The following AGBL5 variants were observed in gnomAD, a reference collection of about 807,000 sequenced individuals.
The protein encoded by AGBL5 is AGBL carboxypeptidase 5.
Under a neutral mutation model 88.0 loss-of-function variants are expected in AGBL5, and 51 were observed. That is an observed-to-expected ratio of 0.58 (90% CI 0.46 to 0.73). The LOEUF (loss-of-function observed/expected upper bound fraction) is 0.73, where lower values mean the gene tolerates loss of function less well. AGBL5 is among the 30% of genes least tolerant of loss of function. The pLI is 0.00. For missense variants in AGBL5, 1,031 were observed against 1,162.2 expected (o/e 0.89, Z 1.64); for synonymous variants, 446 against 438.8 (o/e 1.02, Z -0.21).
chr2:27,069,133 C>T, intron 13 of AGBL5: 1 of 1,338,820 alleles, frequency 7.5e-7, no homozygotes, highest in Non-Finnish European at 9.8e-7. Context: ...ACAGCCCTGC[C>T]ACCAACTCCG....
intron 9 of AGBL5, among the ~76,000 whole-genome samples, 156 bp downstream of exon 9, chr2:27,057,594 C>T (rs1318629633): frequency 6.6e-6 from 1 of 152,226 alleles, no homozygotes; most frequent in Admixed American, 6.5e-5. Flanking sequence ...AGGAGCATAA[C>T]TACAACTGTA....
rs1161195023 is a variant in AGBL5, at chr2:27,069,630, T to C, written c.2413T>C (p.Ser805Pro). Residue 805 changes from serine (S) to proline (P), a missense_variant, in exon 14 of 15, where the codon TCA becomes CCA. This residue lies in a region of AGBL5 where 491 missense variants were observed against 484.0 expected (regional missense o/e 1.01). Coordinates refer to ENST00000360131, the MANE Select transcript of AGBL5 (RefSeq NM_021831.6). Reference protein sequence around the residue: ...PPTRRGMKGSSGPTSPTPRTR... With the variant: ...PPTRRGMKGSPGPTSPTPRTR... ...GACTCGCAGAGGGATGAAAGGCTCT[T>C]CAGGCCCCACATCCCCTACCCCCCG... The C allele has an allele frequency of 6.2e-7, 1 of 1,614,180 alleles. No homozygotes were observed. Among genetic ancestry groups the C allele is most frequent in the East Asian group, 2.2e-5 (1 of 44,880 alleles).
Position 27,055,374 on chromosome 2 carries a change from C to T in AGBL5, c.908+121C>T, listed in dbSNP as rs1668376681. 2.3e-6 allele frequency: 3 copies of T among 1,313,156 alleles called. No homozygotes were observed. In the East Asian group the frequency reaches 7.0e-5, roughly 30 times the overall value. The allele number at this position is 1,313,156 out of a possible 1,614,324, so 81.3% of individuals were successfully genotyped here. A position where few individuals can be genotyped will look rare whatever the true frequency, so the allele number is the denominator to read the frequency against. On this transcript the variant is annotated intron_variant, in intron 6 of 14. Transcript: ENST00000360131. ...CAGTCCTCTTGCACCCTAATAAAGG[C>T]AAGCCCATCTCATCTTCCTGAGAAA...
chr2:27,062,834 G>A (rs1011869964), intron 11 of AGBL5: 1 of 152,288 alleles, frequency 6.6e-6, no homozygotes, highest in African/African-American at 2.4e-5. Context: ...AGGACAAAAA[G>A]CTTGTGTACC....
chr2:27,056,421 G>A, intron 7 of AGBL5: 1 of 620,416 alleles, frequency 1.6e-6, no homozygotes. Context: ...GAGGGAGGAA[G>A]CTAAAAGCTT....
intron 5 of AGBL5, 52 bp downstream of exon 5, chr2:27,054,859 T>G: frequency 6.3e-7 from 1 of 1,581,954 alleles, no homozygotes; most frequent in Non-Finnish European, 8.6e-7. Flanking sequence ...TAGCACCAGG[T>G]ACTGTTTATA....
intron 14 of AGBL5, 98 bp downstream of exon 14, chr2:27,069,804 T>C (rs898041059): frequency 2.0e-6 from 3 of 1,508,678 alleles, no homozygotes; most frequent in Non-Finnish European, 2.7e-6. Context: ...CCTACTCCTT[T>C]TGAGCACAAA....
At chr2:27,069,547 T>C in intron 13 of AGBL5, 26 bp from the exon 14 acceptor site, 2 of 1,605,166 alleles carry the variant, frequency 1.2e-6, no homozygotes, top group Non-Finnish European at 1.7e-6. Flanking sequence ...GAATCCAGCC[T>C]CTTAGCGCAA....
rs1184797265 is a variant in AGBL5, at chr2:27,053,712, TAG to T, written c.387+142_387+143del. 5 of 1,374,276 alleles carry T rather than the reference TAG, an allele frequency of 3.6e-6. No homozygotes were observed. In the African/African-American group the frequency reaches 7.3e-5, roughly 20 times the overall value. 85.1% of individuals were successfully genotyped at this position (1,374,276 alleles called of 1,614,324 possible). A position where few individuals can be genotyped will look rare whatever the true frequency, so the allele number is the denominator to read the frequency against. Reference sequence around the variant, plus strand: ...TATCAGCTTTTTCTCCAGTGTTAGCTAGAGTCCAAGATGAGCCCCTGCCTCAG... The same window carrying T: ...TATCAGCTTTTTCTCCAGTGTTAGCTAGTCCAAGATGAGCCCCTGCCTCAG... On this transcript the variant is annotated intron_variant, in intron 3 of 14. Transcript: ENST00000360131. The surrounding 1 kb of genome is among the most constrained non-coding windows in gnomAD (Gnocchi z 4.9).
chr2:27,059,243 G>T lies in AGBL5; in HGVS notation c.1928G>T (p.Ser643Ile), dbSNP rs777122413. Residue 643 changes from serine (S) to isoleucine (I), a missense_variant, in exon 11 of 15, where the codon AGC becomes ATC. Transcript: ENST00000360131. Reference sequence around the variant, plus strand: ...ACCTTGAGTCGGGCACGAAGTTTTAGCACCGGCACAAGTGCCGGTGGTAGC... The same window carrying T: ...ACCTTGAGTCGGGCACGAAGTTTTATCACCGGCACAAGTGCCGGTGGTAGC... ...ENTLSRARSFSTGTSAGGSSS... is the reference protein window; with the variant it reads ...ENTLSRARSFITGTSAGGSSS... 1 of 1,614,148 alleles carries T rather than the reference G, an allele frequency of 6.2e-7. No individual in the cohort carries two copies. Among genetic ancestry groups the T allele is most frequent in the South Asian group, 1.1e-5 (1 of 91,084 alleles).
intron 1 of AGBL5, 22 bp from the exon 2 acceptor site, chr2:27,052,891 C>A: frequency 7.1e-7 from 1 of 1,413,570 alleles, no homozygotes; most frequent in Non-Finnish European, 9.5e-7. Flanking sequence ...TCCTCCTTAA[C>A]CTAACCCTTG....
chr2:27,053,890 C>T lies in AGBL5; in HGVS notation c.388-6C>T. 1 of 1,610,918 alleles carries T rather than the reference C, an allele frequency of 6.2e-7. No individual in the cohort carries two copies. The highest frequency in any genetic ancestry group is 2.2e-5 in the East Asian group (1 of 44,802). On this transcript the variant is annotated splice_region_variant and splice_polypyrimidine_tract_variant and intron_variant, in intron 3 of 14. Transcript: ENST00000360131. This position sits in a 1 kb window ranked among gnomAD's most constrained non-coding sequence, Gnocchi z 4.9. ...TGCCCCTCCCTCTTCCTCCTCTGCT[C>T]TTCAGATGACAGAGACGCAGTTTGT...
In AGBL5 at chr2:27,069,602, G is replaced by A. The variant is rs780640995; in HGVS notation, c.2385G>A (p.Pro795=). ...GGCCCAGGTTGGGCCGGGGCTCACC[G>A]CCGACTCGCAGAGGGATGAAAGGCT... ...QARPRLGRGS[P]PTRRGMKGSS... Residue 795 remains proline, a synonymous_variant, in exon 14 of 15, where the codon CCG becomes CCA. Transcript: ENST00000360131. 4.3e-6 allele frequency: 7 copies of A among 1,614,126 alleles called. No individual in the cohort carries two copies. The highest frequency in any genetic ancestry group is 4.5e-5 in the East Asian group (2 of 44,878).
In AGBL5 at chr2:27,053,786, G is replaced by A; in HGVS notation, c.388-110G>A. On this transcript the variant is annotated intron_variant, in intron 3 of 14. Transcript: ENST00000360131. The surrounding 1 kb of genome is among the most constrained non-coding windows in gnomAD (Gnocchi z 4.9). ...TTCATATAGAAAGTGTCACAGGGAG[G>A]GAAGTTGGTAAAGGTGATAAGGGTG... 2.7e-6 allele frequency: 4 copies of A among 1,458,300 alleles called. No individual in the cohort carries two copies. Among genetic ancestry groups the A allele is most frequent in the Non-Finnish European group, 3.7e-6 (4 of 1,083,332 alleles). 90.3% of individuals were successfully genotyped at this position (1,458,300 alleles called of 1,614,324 possible). A position where few individuals can be genotyped will look rare whatever the true frequency, so the allele number is the denominator to read the frequency against.
At chr2:27,057,001 A>G (rs573646709) in intron 8 of AGBL5, 41 of 588,342 alleles carry the variant, frequency 7.0e-5, no homozygotes, top group Admixed American at 3.5e-5. Context: ...CGTCTCAAAA[A>G]AAAAACAAAA....
At chr2:27,063,364 G>A (rs908122335) in intron 11 of AGBL5, among the ~76,000 whole-genome samples, 8 of 116,940 alleles carry the variant, frequency 6.8e-5, no homozygotes, top group African/African-American at 1.6e-4. Context: ...AGGCCGAGGC[G>A]GGCAGATCAC....
intron 11 of AGBL5, among the ~76,000 whole-genome samples, chr2:27,066,261 G>C (rs977838019): frequency 6.6e-6 from 1 of 150,784 alleles, no homozygotes; most frequent in African/African-American, 2.4e-5. Flanking sequence ...AAAACCTCAG[G>C]TGAATGCAGA....
Position 27,068,731 on chromosome 2 carries a change from A to G in AGBL5, c.2342A>G (p.Lys781Arg), listed in dbSNP as rs927497351. ...ACTGGAGCTCGGATGCCCTGCATCA[A>G]GACTCGATTGCAGGTAATATTTTTG... ...LGTGARMPCI[K>R]TRLQARPRLG... The change falls in exon 13 of 15, where the codon AAG (lysine) becomes AGG (arginine). Residue 781 changes from lysine (K) to arginine (R), a missense_variant. Around this residue, in one of 2 missense-constraint regions of AGBL5, gnomAD observed 491 missense variants for 484.0 expected, o/e 1.01. Transcript: ENST00000360131. 6 of 1,614,084 alleles carry G rather than the reference A, an allele frequency of 3.7e-6. No homozygotes were observed. Among genetic ancestry groups the G allele is most frequent in the African/African-American group, 1.3e-5 (1 of 75,030 alleles).
intron 13 of AGBL5, 101 bp from the exon 14 acceptor site, chr2:27,069,472 C>G: frequency 6.5e-7 from 1 of 1,545,830 alleles, no homozygotes; most frequent in Non-Finnish European, 8.7e-7. Context: ...CTACTGATCC[C>G]TATACTACAA....
Sources: gnomAD v4.1 joint callset for allele counts (sites outside exome capture counted in the v4.1 genomes callset) on GRCh38, gnomAD v4.1.1 for gene constraint, gnomAD v4.1.1 regional missense constraint, Gnocchi (gnomAD v3.1) non-coding constraint, MANE v1.5 for transcripts, NCBI Gene and HGNC (gene_info 2026-07-23, HGNC 2026-07-21) for gene names.